DYRK4: variants seen among roughly 807,000 people sequenced by gnomAD.
DYRK4 encodes dual specificity tyrosine phosphorylation regulated kinase 4.
Under a neutral mutation model 68.3 loss-of-function variants are expected in DYRK4, and 64 were observed. The observed-to-expected ratio is 0.94, with a 90% CI of 0.77 to 1.15. DYRK4 has a LOEUF of 1.15. Ranked by LOEUF, DYRK4 falls within the 50% of genes most tolerant of loss-of-function variation. The pLI, the probability that DYRK4 is intolerant of heterozygous loss-of-function variation, is 0.00. For synonymous variants in DYRK4, 274 were observed against 289.9 expected (o/e 0.95, Z 0.56); for missense variants, 740 against 764.7 (o/e 0.97, Z 0.38).
Position 4,591,169 on chromosome 12 carries a change from G to A in DYRK4, c.334G>A (p.Ala112Thr), listed in dbSNP as rs1200904121. The change falls in exon 5 of 15, where the codon GCT becomes ACT. Residue 112 changes from alanine (A) to threonine (T), a missense_variant. Physicochemically the swap from Ala to Thr is moderately conservative, Grantham distance 58. Transcript: ENST00000543431. The surrounding 1 kb of genome is among the most constrained non-coding windows in gnomAD (Gnocchi z 4.1). ...KSSLLYQENQAHNQMPASELK... is the reference protein window; with the variant it reads ...KSSLLYQENQTHNQMPASELK... ...CTCTTTTCCTGGACAGGAGAATCAA[G>A]CTCACAATCAGATGCCGGCCTCAGA... The A allele has an allele frequency of 8.1e-6, 13 of 1,613,926 alleles. No individual in the cohort carries two copies. The highest frequency in any genetic ancestry group is 1.1e-5 in the Non-Finnish European group (13 of 1,180,000).
At chr12:4,570,508 T>A (rs935745959) in intron 2 of DYRK4, among the ~76,000 whole-genome samples, 1 of 152,112 alleles carries the variant, frequency 6.6e-6, no homozygotes, top group African/African-American at 2.4e-5. Flanking sequence ...CTTCTGCACG[T>A]GAAGTATTGG....
At chr12:4,575,592 A>G (rs1030478964) in intron 2 of DYRK4, among the ~76,000 whole-genome samples, 1 of 149,224 alleles carries the variant, frequency 6.7e-6, no homozygotes, top group Admixed American at 6.7e-5. Flanking sequence ...TACAGGCATG[A>G]GCCACCGTGC....
chr12:4,579,763 G>A (rs1472381384), intron 2 of DYRK4, among the ~76,000 whole-genome samples: 1 of 152,178 alleles, frequency 6.6e-6, no homozygotes, highest in Non-Finnish European at 1.5e-5. Context: ...CTTTCTGAAT[G>A]TCTCTATTGT....
rs143074350 is a variant in DYRK4, at chr12:4,574,901, A to G, written c.132+6853A>G. ...CCCAACTAATTTGTGTATTTTTAGT[A>G]GAAATGGGGTTTCACCTTGTTGGCC... On this transcript the variant is annotated intron_variant, in intron 2 of 14. Coordinates refer to ENST00000543431, the MANE Select transcript of DYRK4 (RefSeq NM_001394779.1). Among the ~76,000 whole-genome samples, 1,335 of 152,302 alleles carry G rather than the reference A, an allele frequency of 8.8e-3. 24 individuals carry two copies. Among genetic ancestry groups the G allele is most frequent in the African/African-American group, 0.03 (1,262 of 41,552 alleles).
intron 2 of DYRK4, among the ~76,000 whole-genome samples, chr12:4,578,846 A>G (rs1944813482): frequency 6.6e-6 from 1 of 152,190 alleles, no homozygotes; most frequent in African/African-American, 2.4e-5. Flanking sequence ...CTATCCTGTG[A>G]GGCCTAATGA....
intron 2 of DYRK4, among the ~76,000 whole-genome samples, chr12:4,584,428 G>C (rs921328681): frequency 6.6e-6 from 1 of 152,184 alleles, no homozygotes. Context: ...CAGGATCACA[G>C]GACTGAGTAA....
chr12:4,569,118 C>T (rs1944705954), intron 2 of DYRK4, among the ~76,000 whole-genome samples: 1 of 152,156 alleles, frequency 6.6e-6, no homozygotes, highest in Admixed American at 6.5e-5. Context: ...AGTGTTGTCC[C>T]CCTTGGGATT....
chr12:4,588,834 A>T, intron 2 of DYRK4, 103 bp from the exon 3 acceptor site: 1 of 1,092,850 alleles, frequency 9.2e-7, no homozygotes, highest in Non-Finnish European at 1.3e-6. Context: ...GATTCAGGAG[A>T]GCTGGCCTCA....
intron 11 of DYRK4, among the ~76,000 whole-genome samples, chr12:4,605,559 C>A (rs997090159): frequency 6.6e-6 from 1 of 151,978 alleles, no homozygotes; most frequent in Admixed American, 6.6e-5. Flanking sequence ...AAACTTCTAT[C>A]AATCATTATA....
intron 12 of DYRK4, among the ~76,000 whole-genome samples, chr12:4,609,496 G>A (rs1178854057): frequency 6.6e-6 from 1 of 152,124 alleles, no homozygotes; most frequent in East Asian, 1.9e-4. Flanking sequence ...TGCCCCGGGC[G>A]ACTCCTAGTT....
chr12:4,576,188 C>G (rs529685461), intron 2 of DYRK4, among the ~76,000 whole-genome samples: 9 of 152,310 alleles, frequency 5.9e-5, no homozygotes, highest in African/African-American at 1.7e-4. Context: ...TCCTTTCCCC[C>G]CAACAACAAA....
chr12:4,593,996 G>T (rs971014001), intron 6 of DYRK4, among the ~76,000 whole-genome samples: 3 of 152,160 alleles, frequency 2.0e-5, no homozygotes, highest in African/African-American at 7.2e-5. Context: ...TCTGGGGCTG[G>T]GGCCTAAGCT....
At chr12:4,598,609 C>T (rs1336305582) in intron 8 of DYRK4, among the ~76,000 whole-genome samples, 1 of 152,230 alleles carries the variant, frequency 6.6e-6, no homozygotes. Context: ...TGCCCACTCT[C>T]TTGTTCCTTA....
At chr12:4,568,272 G>A (rs1944696484) in intron 2 of DYRK4, among the ~76,000 whole-genome samples, 1 of 152,198 alleles carries the variant, frequency 6.6e-6, no homozygotes, top group South Asian at 2.1e-4. Context: ...TATTCCAGAA[G>A]GCCCTGGGTG....
chr12:4,613,317 T>A lies in DYRK4; in HGVS notation c.1667-198T>A, dbSNP rs2081833897. 6.6e-6 allele frequency among the ~76,000 whole-genome samples: 1 copy of A among 152,134 alleles called. No homozygotes were observed. The highest frequency in any genetic ancestry group is 2.4e-5 in the African/African-American group (1 of 41,414). ...TGAGAATAAAGCCTGTTCTCCAGGG[T>A]CGCTGAAATGATCAGACGAATTAGT... On this transcript the variant is annotated intron_variant, in intron 14 of 14. Transcript: ENST00000543431. The surrounding 1 kb of genome is among the most constrained non-coding windows in gnomAD (Gnocchi z 4.0).
intron 1 of DYRK4, among the ~76,000 whole-genome samples, chr12:4,565,423 A>G (rs1310144760): frequency 1.3e-5 from 2 of 152,156 alleles, no homozygotes; most frequent in African/African-American, 4.8e-5. Context: ...TCCAGTCTCC[A>G]GTCTCATTAT....
At chr12:4,570,012 G>T (rs1395279744) in intron 2 of DYRK4, among the ~76,000 whole-genome samples, 1 of 150,652 alleles carries the variant, frequency 6.6e-6, no homozygotes, top group Non-Finnish European at 1.5e-5. Context: ...AGACCAGCCT[G>T]GGTAACATAG....
intron 2 of DYRK4, chr12:4,573,463 T>G (rs1200623748): frequency 3.4e-6 from 4 of 1,193,004 alleles, no homozygotes; most frequent in African/African-American, 1.6e-5. Context: ...CAAAGGAATG[T>G]GAAGTGAGCA....
chr12:4,596,427 A>G (rs1329187084), intron 7 of DYRK4, 142 bp downstream of exon 7: 8 of 1,510,618 alleles, frequency 5.3e-6, no homozygotes, highest in Non-Finnish European at 6.2e-6. Context: ...GTCTGATTCC[A>G]TGAGGGGGCA....
Sources: gnomAD v4.1 joint callset for allele counts (sites outside exome capture counted in the v4.1 genomes callset) on GRCh38, gnomAD v4.1.1 for gene constraint, Gnocchi (gnomAD v3.1) non-coding constraint, MANE v1.5 for transcripts, NCBI Gene and HGNC (gene_info 2026-07-23, HGNC 2026-07-21) for gene names.